ZNF804B: variants seen among roughly 807,000 people sequenced by gnomAD.
ZNF804B encodes zinc finger 804B.
Under a neutral mutation model 101.4 loss-of-function variants are expected in ZNF804B, and 80 were observed. The ratio of observed to expected loss-of-function variants is 0.79; its 90% CI spans 0.66 to 0.95. ZNF804B has a LOEUF of 0.95. Ranked by LOEUF, ZNF804B falls within the 40% of genes least tolerant of loss-of-function variation. ZNF804B has a pLI of 0.00. For missense variants in ZNF804B, 1,673 were observed against 1,561.9 expected (o/e 1.07, Z -1.20); for synonymous variants, 622 against 558.8 (o/e 1.11, Z -1.59).
At chr7:89,116,081 T>TC in intron 1 of ZNF804B, among the ~76,000 whole-genome samples, 1 of 151,272 alleles carries the variant, frequency 6.6e-6, no homozygotes, top group African/African-American at 2.4e-5. Context: ...TTATTTTTTT[T>TC]TTTTGTATTT....
At chr7:89,232,996 A>G in intron 2 of ZNF804B, among the ~76,000 whole-genome samples, 1 of 152,074 alleles carries the variant, frequency 6.6e-6, no homozygotes, top group East Asian at 1.9e-4. Context: ...ATCTCCACTC[A>G]CTGCAAGCTC....
chr7:89,004,338 T>C (rs1488930600), intron 1 of ZNF804B, among the ~76,000 whole-genome samples: 1 of 151,804 alleles, frequency 6.6e-6, no homozygotes, highest in Non-Finnish European at 1.5e-5. Context: ...AACTTTGGAA[T>C]CTCATGAATA....
Position 89,335,554 on chromosome 7 carries a change from T to A in ZNF804B, c.2572T>A (p.Ser858Thr). The part of the protein sequence containing the change: ...GTQHDRLDSY[S>T]IEKMYYLNKS... ...TCAGCACGACAGATTGGACTCTTAC[T>A]CAATAGAGAAAATGTATTACTTGAA... The change falls in exon 4 of 4, where the codon TCA (serine) becomes ACA (threonine). Residue 858 changes from serine (S) to threonine (T), a missense_variant. Transcript: ENST00000333190. The A allele has an allele frequency of 6.2e-7, 1 of 1,613,890 alleles. No homozygotes were observed. The highest frequency in any genetic ancestry group is 8.5e-7 in the Non-Finnish European group (1 of 1,179,940).
At chr7:89,199,328 C>G (rs1761715780) in intron 1 of ZNF804B, among the ~76,000 whole-genome samples, 1 of 151,948 alleles carries the variant, frequency 6.6e-6, no homozygotes, top group African/African-American at 2.4e-5. Context: ...CCAGACTCTT[C>G]TACTCTAACC....
intron 2 of ZNF804B, among the ~76,000 whole-genome samples, chr7:89,224,952 G>T (rs989106779): frequency 2.6e-5 from 4 of 151,980 alleles, no homozygotes; most frequent in African/African-American, 9.7e-5. Flanking sequence ...TAAAAATTCT[G>T]CATTCTGGCT....
In ZNF804B at chr7:89,225,047, T is replaced by G. The variant is rs927708812; in HGVS notation, c.249+6752T>G. Among the ~76,000 whole-genome samples the G allele has an allele frequency of 2.0e-4, 31 of 152,092 alleles. 1 individual carries two copies. Among genetic ancestry groups the G allele is most frequent in the Non-Finnish European group, 1.5e-5 (1 of 67,958 alleles). On this transcript the variant is annotated intron_variant, in intron 2 of 3. Transcript: ENST00000333190. ...TGACTGTTCCCTCTGTCTGGAAAATTCTTCTATCTGACCTTCAGTGTTCTC... is the reference window on the plus strand; with the variant it reads ...TGACTGTTCCCTCTGTCTGGAAAATGCTTCTATCTGACCTTCAGTGTTCTC...
At chr7:89,212,583 C>G (rs1788822270) in intron 1 of ZNF804B, among the ~76,000 whole-genome samples, 1 of 152,094 alleles carries the variant, frequency 6.6e-6, no homozygotes, top group African/African-American at 2.4e-5. Context: ...AGTGAAAGGT[C>G]AGGTTAAGAC....
chr7:89,200,950 T>C (rs1214147578), intron 1 of ZNF804B, among the ~76,000 whole-genome samples: 1 of 152,004 alleles, frequency 6.6e-6, no homozygotes, highest in Non-Finnish European at 1.5e-5. Context: ...CATTCCTCCC[T>C]ACATGGGCAT....
At chr7:88,981,362 A>G (rs1793691807) in intron 1 of ZNF804B, among the ~76,000 whole-genome samples, 2 of 152,030 alleles carry the variant, frequency 1.3e-5, no homozygotes, top group Admixed American at 1.3e-4. Flanking sequence ...TGGTTGAGCT[A>G]TTATCTAAGT....
chr7:89,306,238 A>G (rs557843308), intron 2 of ZNF804B, among the ~76,000 whole-genome samples: 5 of 151,988 alleles, frequency 3.3e-5, no homozygotes, highest in Non-Finnish European at 5.9e-5. Flanking sequence ...GAAATATCTT[A>G]TCCCATTATC....
intron 1 of ZNF804B, among the ~76,000 whole-genome samples, chr7:88,952,085 T>TG (rs1170316818): frequency 6.6e-6 from 1 of 151,810 alleles, no homozygotes; most frequent in Non-Finnish European, 1.5e-5. Context: ...CCTGATTCCA[T>TG]GGGGGAGAAA....
At chr7:89,130,597 G>A (rs1436360169) in intron 1 of ZNF804B, among the ~76,000 whole-genome samples, 1 of 151,818 alleles carries the variant, frequency 6.6e-6, no homozygotes, top group Non-Finnish European at 1.5e-5. Flanking sequence ...AGGATAAAAG[G>A]GGTGAAATGA....
chr7:89,050,086 G>A (rs1244512858), intron 1 of ZNF804B, among the ~76,000 whole-genome samples: 1 of 152,016 alleles, frequency 6.6e-6, no homozygotes, highest in African/African-American at 2.4e-5. Context: ...TTCCAATTAT[G>A]AGTTTACCAC....
intron 1 of ZNF804B, among the ~76,000 whole-genome samples, chr7:88,935,184 A>G (rs934531702): frequency 6.6e-6 from 1 of 151,728 alleles, no homozygotes; most frequent in Non-Finnish European, 1.5e-5. Context: ...GAAATGGAAA[A>G]CCAAATATCA....
chr7:89,232,593 C>T (rs1270639279), intron 2 of ZNF804B, among the ~76,000 whole-genome samples: 1 of 152,050 alleles, frequency 6.6e-6, no homozygotes, highest in African/African-American at 2.4e-5. Context: ...CTTCTTGGCT[C>T]GATTTTGGCA....
rs1793026375 is a variant in ZNF804B at position 88,939,546 on chromosome 7, A to G, written c.108+179462A>G. On this transcript the variant is annotated intron_variant, in intron 1 of 3. Transcript: ENST00000333190. ...TAATAATAAATAAAAGCCACCAACC[A>G]TTGTGTTGGAAATGAATCTATCATG... Among the ~76,000 whole-genome samples, 3 of 151,924 alleles carry G rather than the reference A, an allele frequency of 2.0e-5. No individual in the cohort carries two copies. In the South Asian group the frequency reaches 6.2e-4, roughly 31 times the overall value.
At chr7:89,166,558 G>A (rs1003505258) in intron 1 of ZNF804B, among the ~76,000 whole-genome samples, 1 of 152,126 alleles carries the variant, frequency 6.6e-6, no homozygotes. Flanking sequence ...CACAGCTGCA[G>A]ACTTTAATCC....
intron 1 of ZNF804B, among the ~76,000 whole-genome samples, chr7:88,801,086 A>G (rs1486307400): frequency 6.6e-6 from 1 of 151,962 alleles, no homozygotes; most frequent in Non-Finnish European, 1.5e-5. Context: ...TTTTTGGGGA[A>G]CAGGTGGTAT....
intron 1 of ZNF804B, among the ~76,000 whole-genome samples, chr7:88,932,602 A>T (rs543534428): frequency 6.6e-6 from 1 of 151,958 alleles, no homozygotes; most frequent in South Asian, 2.1e-4. Context: ...AAGATCATTC[A>T]AGGCTACTGT....
Sources: gnomAD v4.1 joint callset for allele counts (sites outside exome capture counted in the v4.1 genomes callset) on GRCh38, gnomAD v4.1.1 for gene constraint, MANE v1.5 for transcripts, NCBI Gene and HGNC (gene_info 2026-07-23, HGNC 2026-07-21) for gene names.